CENPI: variants seen among roughly 807,000 people sequenced by gnomAD.
CENPI encodes the protein FSH primary response 1.
A neutral mutation model predicts 60.4 loss-of-function variants in CENPI; 4 were observed. The ratio of observed to expected loss-of-function variants is 0.07; its 90% confidence interval spans 0.03 to 0.15. The LOEUF (loss-of-function observed/expected upper bound fraction) is 0.15, where lower values mean the gene tolerates loss of function less well. Among genes scored for constraint, CENPI ranks in the 10% least tolerant of loss-of-function variants. The pLI is 1.00. For synonymous variants in CENPI, 157 were observed against 189.4 expected, an observed-to-expected ratio of 0.83 and a Z score of 1.40; for missense variants, 444 against 534.5, an observed-to-expected ratio of 0.83 and a Z score of 1.67.
At chrX:101,129,849 T>A (rs1025600775) in intron 12 of CENPI, 133 bp from the exon 13 acceptor site, 61 of 457,547 alleles carry the variant, frequency 1.3e-4, no homozygotes, top group Non-Finnish European at 2.1e-4. Flanking sequence ...CCAGTCTACA[T>A]CATGAGTTAG....
intron 13 of CENPI, among the ~76,000 whole-genome samples, chrX:101,131,008 T>C (rs1304438727): frequency 9.0e-6 from 1 of 111,391 alleles, no homozygotes; most frequent in Non-Finnish European, 1.9e-5. Flanking sequence ...TGTTTTTTTT[T>C]AGACAAGGTC....
intron 6 of CENPI, among the ~76,000 whole-genome samples, chrX:101,112,225 T>C (rs1464968995): frequency 9.0e-6 from 1 of 111,242 alleles, no homozygotes; most frequent in Non-Finnish European, 1.9e-5. Context: ...ACTATGAACC[T>C]GACAGCTTTT....
chrX:101,127,429 G>C, intron 10 of CENPI, 69 bp from the exon 11 acceptor site: 1 of 994,976 alleles, frequency 1.0e-6, no homozygotes, highest in Non-Finnish European at 1.4e-6. Flanking sequence ...CACCTTACCA[G>C]TTGCTTTTAT....
intron 16 of CENPI, among the ~76,000 whole-genome samples, chrX:101,143,302 C>A (rs1602835744): frequency 1.8e-5 from 2 of 110,413 alleles, no homozygotes. Context: ...GCTATGAATT[C>A]AAATTTGTAA....
At chrX:101,099,498 A>C (rs113948792) in intron 2 of CENPI, among the ~76,000 whole-genome samples, 5,813 of 109,255 alleles carry the variant, frequency 0.053, 425 homozygotes, top group African/African-American at 0.18. Context: ...CTGGGATTAT[A>C]GGTGTGACCC....
At chrX:101,156,161 C>G (rs1372437168) in intron 20 of CENPI, among the ~76,000 whole-genome samples, 1 of 110,628 alleles carries the variant, frequency 9.0e-6, no homozygotes, top group African/African-American at 3.3e-5. Context: ...TACAGGCACC[C>G]GCCACCACAC....
At chrX:101,146,657 A>G (rs1350695181) in intron 18 of CENPI, among the ~76,000 whole-genome samples, 1 of 111,952 alleles carries the variant, frequency 8.9e-6, no homozygotes, top group East Asian at 2.8e-4. Flanking sequence ...GCTATTGCCA[A>G]TTATATGAAA....
chrX:101,116,258 G>A (rs1193753174), intron 6 of CENPI, among the ~76,000 whole-genome samples: 4 of 110,725 alleles, frequency 3.6e-5, no homozygotes, highest in East Asian at 2.8e-4. Context: ...GAGGCCCAAC[G>A]CAAATTCATA....
chrX:101,132,518 C>G (rs1203902573), intron 15 of CENPI, 62 bp downstream of exon 15: 1 of 931,776 alleles, frequency 1.1e-6, no homozygotes, highest in African/African-American at 2.0e-5. Context: ...TAGTGGTACA[C>G]AATTCCAAAC....
Position 101,102,871 on chromosome X carries a change from T to TC in CENPI, c.364+460_364+461insC, listed in dbSNP as rs1376623959. The stretch of plus-strand genomic sequence containing the variant: ...ATTTTTTGTATTTTTTTTTTTTTTT[T>TC]AGTAGGGACGGGTTTTTGCTGTGTT... On this transcript the variant is annotated intron_variant, in intron 4 of 21. Coordinates refer to ENST00000682095, the MANE Select transcript of CENPI (RefSeq NM_001386188.2). Among the ~76,000 whole-genome samples the TC allele has an allele frequency of 5.4e-3, 558 of 102,774 alleles. 6 individuals are homozygous for TC. The highest frequency in any genetic ancestry group is 9.3e-3 in the Non-Finnish European group (470 of 50,521). The allele number at this position is 102,774 out of a possible 115,157, so 89.2% of individuals were successfully genotyped here.
intron 15 of CENPI, among the ~76,000 whole-genome samples, chrX:101,139,996 G>A (rs1455042970): frequency 9.1e-6 from 1 of 110,235 alleles, no homozygotes; most frequent in African/African-American, 3.3e-5. Flanking sequence ...CACCACGCCT[G>A]GCTAATTTTT....
chrX:101,137,949 G>A (rs1418747236), intron 15 of CENPI, among the ~76,000 whole-genome samples: 4 of 50,329 alleles, frequency 7.9e-5, no homozygotes, highest in Non-Finnish European at 1.2e-4. Flanking sequence ...ATGTAGGGTA[G>A]AGCTGTGTTT....
intron 21 of CENPI, among the ~76,000 whole-genome samples, chrX:101,162,334 G>A (rs1221108118): frequency 4.7e-5 from 5 of 105,572 alleles, no homozygotes; most frequent in African/African-American, 1.7e-4. Flanking sequence ...CGTGCCTGTG[G>A]TCCCAGCTAC....
At chrX:101,101,909 C>T (rs748717642) in intron 3 of CENPI, among the ~76,000 whole-genome samples, 1 of 112,916 alleles carries the variant, frequency 8.9e-6, no homozygotes, top group East Asian at 2.8e-4. Flanking sequence ...GAGACGGGGT[C>T]TTGCTCTGTT....
chrX:101,171,952 G>T, the CENPI span, among the ~76,000 whole-genome samples: 2 of 111,821 alleles, frequency 1.8e-5, no homozygotes, highest in East Asian at 5.6e-4. Flanking sequence ...ATTTTATTCC[G>T]AATATATAAA....
intron 4 of CENPI, among the ~76,000 whole-genome samples, chrX:101,105,119 T>C (rs1319698635): frequency 8.9e-6 from 1 of 112,130 alleles, no homozygotes; most frequent in Non-Finnish European, 1.9e-5. Flanking sequence ...TTGGCTTTTT[T>C]CTTGTAGATG....
chrX:101,133,343 T>C (rs2089815253), intron 15 of CENPI, among the ~76,000 whole-genome samples: 1 of 102,839 alleles, frequency 9.7e-6, no homozygotes, highest in Non-Finnish European at 2.0e-5. Flanking sequence ...TTTTTTGCAA[T>C]TCTGTCTCAA....
Position 101,120,792 on chromosome X carries a change from C to T in CENPI, c.687+8C>T, listed in dbSNP as rs867207483. ...GATCTTCAGGCCAAAATGGTGAGTA[C>T]TGAAAAGACCTAAGACCTGCCAATG... On this transcript the variant is annotated splice_region_variant and intron_variant, in intron 8 of 21. Coordinates refer to ENST00000682095, the MANE Select transcript of CENPI (RefSeq NM_001386188.2). 8.4e-7 allele frequency: 1 copy of T among 1,196,221 alleles called. No homozygotes were observed. The highest frequency in any genetic ancestry group is 1.1e-6 in the Non-Finnish European group (1 of 882,951).
At chrX:101,162,473 A>ATATATATATATATATATATATATATAT (rs1556409814) in intron 21 of CENPI, among the ~76,000 whole-genome samples, 3 of 68,110 alleles carry the variant, frequency 4.4e-5, no homozygotes, top group African/African-American at 2.1e-4. Context: ...AAAAAAAAAA[A>ATATATATATATATATATATATATATAT]ATATATATAT....
Sources: gnomAD v4.1 joint callset for allele counts (sites outside exome capture counted in the v4.1 genomes callset) on GRCh38, gnomAD v4.1.1 for gene constraint, MANE v1.5 for transcripts, NCBI Gene and HGNC (gene_info 2026-07-23, HGNC 2026-07-21) for gene names.